The following DSCAM variants were observed in gnomAD, a reference collection of about 807,000 sequenced individuals.
DSCAM encodes the protein DS cell adhesion molecule, also known as cell adhesion molecule DSCAM.
Under a neutral mutation model 217.7 loss-of-function variants are expected in DSCAM, and 47 were observed. The ratio of observed to expected loss-of-function variants is 0.22; its 90% CI spans 0.17 to 0.28. The LOEUF is 0.28. Ranked by LOEUF, DSCAM falls within the 10% of genes least tolerant of loss-of-function variation. The pLI is 1.00. For synonymous variants in DSCAM, 1,056 were observed against 1,015.3 expected, an observed-to-expected ratio of 1.04 and a Z score of -0.76; for missense variants, 2,080 against 2,618.3, an observed-to-expected ratio of 0.79 and a Z score of 4.49.
chr21:40,718,436 G>A (rs1601167674), intron 1 of DSCAM, among the ~76,000 whole-genome samples: 1 of 152,230 alleles, frequency 6.6e-6, no homozygotes, highest in Admixed American at 6.5e-5. Context: ...CATGGCTAGG[G>A]AAGCCACAAA....
intron 3 of DSCAM, among the ~76,000 whole-genome samples, chr21:40,617,711 G>A (rs917970541): frequency 6.6e-6 from 1 of 152,220 alleles, no homozygotes; most frequent in Non-Finnish European, 1.5e-5. Flanking sequence ...GGTTGAAACT[G>A]TCTGCTGACA....
intron 11 of DSCAM, among the ~76,000 whole-genome samples, chr21:40,201,176 G>T (rs982630005): frequency 6.6e-6 from 1 of 152,082 alleles, no homozygotes; most frequent in African/African-American, 2.4e-5. Flanking sequence ...GCTTTTCCAG[G>T]CCCTTATGAC....
intron 3 of DSCAM, among the ~76,000 whole-genome samples, chr21:40,474,927 GCCAGAGA>G (rs2075921205): frequency 6.6e-6 from 1 of 151,936 alleles, no homozygotes; most frequent in African/African-American, 2.4e-5. Context: ...GGGCACCTAG[GCCAGAGA>G]CCTTCCATGG....
chr21:40,046,802 C>A (rs1029166196), intron 30 of DSCAM, among the ~76,000 whole-genome samples: 3 of 151,858 alleles, frequency 2.0e-5, no homozygotes, highest in Admixed American at 6.6e-5. Flanking sequence ...GTTTGCTAGT[C>A]CCACTTCAAG....
At chr21:40,541,337 AAAGT>A (rs1241888735) in intron 3 of DSCAM, among the ~76,000 whole-genome samples, 1 of 152,240 alleles carries the variant, frequency 6.6e-6, no homozygotes, top group African/African-American at 2.4e-5. Flanking sequence ...ACCTATGTGG[AAAGT>A]AAGTTTACAA....
chr21:40,030,345 C>T (rs1331063957), intron 32 of DSCAM, among the ~76,000 whole-genome samples: 5 of 152,112 alleles, frequency 3.3e-5, no homozygotes, highest in Non-Finnish European at 7.4e-5. Context: ...CAAATAGTAT[C>T]GTTCCCGACT....
rs1158867701 is a variant in DSCAM at position 40,012,104 on chromosome 21, C to T, written c.*930G>A. ...AAAACAGCAGGAGGCTGGATTTGGC[C>T]CATAGGCCACAGTCAGTTGAACTCT... On this transcript the variant is annotated 3_prime_UTR_variant, in exon 33 of 33. Coordinates refer to ENST00000400454, the MANE Select transcript of DSCAM (RefSeq NM_001389.5). The T allele has an allele frequency of 1.3e-5, 2 of 152,166 alleles. No homozygotes were observed. Among genetic ancestry groups the T allele is most frequent in the African/African-American group, 4.8e-5 (2 of 41,422 alleles). The allele number at this position is 152,166 out of a possible 1,614,324, so 9.4% of individuals were successfully genotyped here. A position where few individuals can be genotyped will look rare whatever the true frequency, so the allele number is the denominator to read the frequency against.
chr21:40,178,754 G>T (rs2090760802), intron 15 of DSCAM, among the ~76,000 whole-genome samples, 173 bp downstream of exon 15: 1 of 152,234 alleles, frequency 6.6e-6, no homozygotes, highest in Non-Finnish European at 1.5e-5. Context: ...TGCCTTCAAA[G>T]TAAGATGCAG....
At chr21:40,032,176 A>G (rs1009944851) in intron 32 of DSCAM, among the ~76,000 whole-genome samples, 9 of 152,112 alleles carry the variant, frequency 5.9e-5, no homozygotes, top group East Asian at 1.9e-4. Context: ...GTGGTCCCCA[A>G]TGTGTGGTTC....
chr21:40,178,705 G>T (rs1478685718), intron 15 of DSCAM, among the ~76,000 whole-genome samples: 2 of 152,120 alleles, frequency 1.3e-5, no homozygotes, highest in Non-Finnish European at 2.9e-5. Flanking sequence ...TTAAGTCTTG[G>T]GTATGGGAAA....
At chr21:40,331,743 G>T (rs1340359269) in intron 8 of DSCAM, among the ~76,000 whole-genome samples, 2 of 152,170 alleles carry the variant, frequency 1.3e-5, no homozygotes, top group African/African-American at 4.8e-5. Flanking sequence ...ATGTAAAAGC[G>T]AATGTTTCTG....
At chr21:40,514,643 TG>T (rs1239853791) in intron 3 of DSCAM, among the ~76,000 whole-genome samples, 1 of 152,226 alleles carries the variant, frequency 6.6e-6, no homozygotes, top group Non-Finnish European at 1.5e-5. Context: ...CGATCCTTTA[TG>T]AAAGATTTTT....
At chr21:40,431,027 G>A (rs1251001093) in intron 3 of DSCAM, among the ~76,000 whole-genome samples, 1 of 152,228 alleles carries the variant, frequency 6.6e-6, no homozygotes, top group Admixed American at 6.5e-5. Context: ...GAAAAGCAAA[G>A]CAGTCTGAGA....
At chr21:40,659,451 T>C (rs1049993556) in intron 3 of DSCAM, among the ~76,000 whole-genome samples, 1 of 152,132 alleles carries the variant, frequency 6.6e-6, no homozygotes, top group Non-Finnish European at 1.5e-5. Context: ...ATCTATTCTG[T>C]TTTCTGTTTA....
intron 3 of DSCAM, among the ~76,000 whole-genome samples, chr21:40,688,416 A>T: frequency 6.6e-6 from 1 of 152,086 alleles, no homozygotes; most frequent in East Asian, 1.9e-4. Flanking sequence ...TGTTTTATGT[A>T]TCTCCACATC....
At chr21:40,463,744 G>C (rs1468478859) in intron 3 of DSCAM, among the ~76,000 whole-genome samples, 1 of 152,170 alleles carries the variant, frequency 6.6e-6, no homozygotes, top group Non-Finnish European at 1.5e-5. Flanking sequence ...GTTCCAGAAG[G>C]CTGCACCATC....
intron 15 of DSCAM, among the ~76,000 whole-genome samples, chr21:40,169,995 AGG>A (rs1323759161): frequency 6.6e-6 from 1 of 152,180 alleles, no homozygotes; most frequent in African/African-American, 2.4e-5. Flanking sequence ...CTCTTTTAAA[AGG>A]GACATGGCCC....
chr21:40,634,662 A>G (rs1486457061), intron 3 of DSCAM, among the ~76,000 whole-genome samples: 1 of 152,340 alleles, frequency 6.6e-6, no homozygotes, highest in South Asian at 2.1e-4. Context: ...AAAAAGAAAT[A>G]TTTGGGACAT....
At chr21:40,434,530 G>T (rs2075565782) in intron 3 of DSCAM, among the ~76,000 whole-genome samples, 1 of 152,144 alleles carries the variant, frequency 6.6e-6, no homozygotes, top group Admixed American at 6.5e-5. Flanking sequence ...CAGCCTGGGG[G>T]CTGGGGACAC....
Sources: allele counts gnomAD v4.1 joint callset (sites outside exome capture counted in the v4.1 genomes callset), GRCh38; gene constraint gnomAD v4.1.1; transcripts MANE v1.5; gene names NCBI Gene and HGNC (gene_info 2026-07-23, HGNC 2026-07-21).